The following SVOPL variants were observed in gnomAD, a reference collection of about 807,000 sequenced individuals.
SVOPL encodes SVOP like, also known as putative transporter SVOPL.
In SVOPL, 60 loss-of-function variants were observed where a neutral mutation model predicts 61.0. The observed-to-expected ratio is 0.98, with a 90% confidence interval of 0.80 to 1.22. The LOEUF (loss-of-function observed/expected upper bound fraction) is 1.22, where lower values mean the gene tolerates loss of function less well. Ranked by LOEUF, SVOPL falls within the 50% of genes most tolerant of loss-of-function variation. The pLI, the probability that SVOPL is intolerant of heterozygous loss-of-function variation, is 0.00. For missense variants in SVOPL, 662 were observed against 643.9 expected (o/e 1.03, Z -0.30); for synonymous variants, 279 against 250.0 (o/e 1.12, Z -1.09).
chr7:138,684,391 C>A (rs1038657036), intron 1 of SVOPL, among the ~76,000 whole-genome samples: 1 of 149,888 alleles, frequency 6.7e-6, no homozygotes, highest in Non-Finnish European at 1.5e-5. Context: ...GAAAAAGGAA[C>A]TCCTGCAACT....
chr7:138,611,392 C>CCAAAA lies in SVOPL; in HGVS notation c.1353+9649_1353+9653dup, dbSNP rs113839524. Among the ~76,000 whole-genome samples, 563 of 151,560 alleles carry CCAAAA rather than the reference C, an allele frequency of 3.7e-3. 1 individual carries two copies. Among genetic ancestry groups the CCAAAA allele is most frequent in the East Asian group, 0.018 (93 of 5,158 alleles). ...GACTCTGTCTCAAAAACCCCCAACC[C>CCAAAA]CAAAACAAAACAAAACAAAACAAAA... On this transcript the variant is annotated intron_variant, in intron 14 of 15. Coordinates refer to ENST00000674285, the MANE Select transcript of SVOPL (RefSeq NM_001139456.2).
At chr7:138,689,558 A>C in intron 1 of SVOPL, 1 of 494,574 alleles carries the variant, frequency 2.0e-6, no homozygotes, top group Admixed American at 3.4e-5. Context: ...ATTAAAAGTA[A>C]AAAAAGAAAA....
At chr7:138,654,297 G>A (rs1006481726) in intron 7 of SVOPL, among the ~76,000 whole-genome samples, 11 of 152,150 alleles carry the variant, frequency 7.2e-5, no homozygotes, top group Non-Finnish European at 1.5e-5. Flanking sequence ...CTAGTGTACA[G>A]AAGAGATAAG....
chr7:138,683,256 A>G (rs1453820680), intron 1 of SVOPL, among the ~76,000 whole-genome samples: 2 of 152,184 alleles, frequency 1.3e-5, no homozygotes, highest in African/African-American at 4.8e-5. Flanking sequence ...GGGTGTATAG[A>G]TGAAAAAAGA....
chr7:138,684,868 C>T lies in SVOPL; in HGVS notation c.-34-5789G>A, dbSNP rs116866942. ...CCAAAACATAAAACAACCCAAATGT[C>T]CATTAACGGATGTGTGGAAAAGGAA... On this transcript the variant is annotated intron_variant, in intron 1 of 15. Transcript: ENST00000674285. Among the ~76,000 whole-genome samples, 273 of 152,148 alleles carry T rather than the reference C, an allele frequency of 1.8e-3. 2 individuals are homozygous for T. The highest frequency in any genetic ancestry group is 3.4e-3 in the Middle Eastern group (1 of 290).
intron 9 of SVOPL, among the ~76,000 whole-genome samples, chr7:138,639,762 A>T (rs892678667): frequency 2.0e-5 from 3 of 152,196 alleles, no homozygotes; most frequent in Admixed American, 1.3e-4. Context: ...AGGGTCCAGT[A>T]CAGCAGTGCG....
chr7:138,632,394 A>C (rs551052491), intron 9 of SVOPL, among the ~76,000 whole-genome samples: 1 of 152,348 alleles, frequency 6.6e-6, no homozygotes, highest in South Asian at 2.1e-4. Context: ...CAATCATGCC[A>C]CTGCACTCCA....
chr7:138,644,798 C>T lies in SVOPL; in HGVS notation c.708G>A (p.Arg236=). 1 of 1,614,090 alleles carries T rather than the reference C, an allele frequency of 6.2e-7. No individual in the cohort carries two copies. Among genetic ancestry groups the T allele is most frequent in the Non-Finnish European group, 8.5e-7 (1 of 1,180,026 alleles). The change falls in exon 9 of 16, where the codon CGG becomes CGA. Residue 236 remains arginine (R), a synonymous_variant. Transcript: ENST00000674285. ...ARFNVSTGNT[R]AALATLERVA... is the part of the protein sequence containing the mutation. Reference sequence around the variant, plus strand: ...CGCGCTCCAGAGTGGCCAGGGCAGCCCGAGTGTTCCCAGTGGAGACATTGA... The same window carrying T: ...CGCGCTCCAGAGTGGCCAGGGCAGCTCGAGTGTTCCCAGTGGAGACATTGA...
chr7:138,602,765 G>C (rs1021169012), intron 14 of SVOPL, among the ~76,000 whole-genome samples: 3 of 151,896 alleles, frequency 2.0e-5, no homozygotes, highest in Admixed American at 1.3e-4. Context: ...TGCTCTCTCA[G>C]GCCATTTCTG....
intron 1 of SVOPL, among the ~76,000 whole-genome samples, chr7:138,695,493 A>G (rs1803045611): frequency 6.6e-6 from 1 of 152,194 alleles, no homozygotes; most frequent in African/African-American, 2.4e-5. Flanking sequence ...CATGGACAAC[A>G]CAGTGAGACT....
intron 3 of SVOPL, among the ~76,000 whole-genome samples, chr7:138,676,718 C>T (rs1019542898): frequency 1.4e-4 from 22 of 152,180 alleles, no homozygotes; most frequent in Admixed American, 2.6e-4. Flanking sequence ...GCCATGTGTT[C>T]GAATTTACAT....
At position 138,651,166 on chromosome 7, in the gene SVOPL, G is replaced by A. The variant is rs563835562; in HGVS notation, c.535-2029C>T. Among the ~76,000 whole-genome samples the A allele has an allele frequency of 1.6e-4, 24 of 152,248 alleles. 1 individual carries two copies. In the South Asian group the frequency reaches 5.0e-3, roughly 32 times the overall value. ...GGTAGGACAGCCTAAAGGGGTAGCA[G>A]CTGGGACCTACCACTGAAAGCTCGG... On this transcript the variant is annotated intron_variant, in intron 7 of 15. Coordinates refer to ENST00000674285, the MANE Select transcript of SVOPL (RefSeq NM_001139456.2).
intron 9 of SVOPL, among the ~76,000 whole-genome samples, chr7:138,636,869 C>T (rs932210394): frequency 7.2e-5 from 11 of 152,012 alleles, no homozygotes; most frequent in African/African-American, 2.4e-4. Context: ...GTAAAATAAG[C>T]CTGAAAATAT....
At chr7:138,650,576 GA>G (rs1169202542) in intron 7 of SVOPL, among the ~76,000 whole-genome samples, 2 of 149,754 alleles carry the variant, frequency 1.3e-5, no homozygotes, top group Non-Finnish European at 3.0e-5. Context: ...TCGGAAGGCT[GA>G]GGTAGGGGAA....
Position 138,649,189 on chromosome 7 carries a change from A to T in SVOPL, c.535-52T>A, listed in dbSNP as rs200407864. 4 of 53,002 alleles carry T rather than the reference A, an allele frequency of 7.5e-5. No homozygotes were observed. The South Asian group carries it at 9.0e-4, about 12-fold the overall frequency. The allele number at this position is 53,002 out of a possible 1,614,324, so 3.3% of individuals were successfully genotyped here. A position where few individuals can be genotyped will look rare whatever the true frequency, so the allele number is the denominator to read the frequency against. Reference sequence around the variant, plus strand: ...AGTTCTTTGGGGAATTATGACAATGAAAAAAAAAAAGGAAAAATATATATT... The same window carrying T: ...AGTTCTTTGGGGAATTATGACAATGTAAAAAAAAAAGGAAAAATATATATT... On this transcript the variant is annotated intron_variant, in intron 7 of 15. Coordinates refer to ENST00000674285, the MANE Select transcript of SVOPL (RefSeq NM_001139456.2).
Position 138,630,054 on chromosome 7 carries a change from G to A in SVOPL, c.858C>T (p.Val286=), listed in dbSNP as rs367646928. The change falls in exon 10 of 16, where the codon GTC becomes GTT. Residue 286 remains valine, a synonymous_variant. Transcript: ENST00000674285. ...KYLRTTLQIW[V]IWLGISFAYY... is the part of the protein sequence containing the mutation. ...TGAAATCATTACACTCTTACCATAT[G>A]ACCCAGATCTGTAATGTGGTCCGTA... The A allele has an allele frequency of 2.5e-6, 4 of 1,612,832 alleles. No homozygotes were observed. In the African/African-American group the frequency reaches 5.3e-5, roughly 22 times the overall value.
At position 138,628,370 on chromosome 7, in the gene SVOPL, G is replaced by A; in HGVS notation, c.864-7C>T. The A allele has an allele frequency of 6.2e-7, 1 of 1,613,584 alleles. No homozygotes were observed. The highest frequency in any genetic ancestry group is 8.5e-7 in the Non-Finnish European group (1 of 1,179,930). ...GGCAAAAGAGATTCCAAGCCTGGAA[G>A]AGAGAAAACAAAGTCACTAGCCAAC... On this transcript the variant is annotated splice_region_variant and splice_polypyrimidine_tract_variant and intron_variant, in intron 10 of 15. Coordinates refer to ENST00000674285, the MANE Select transcript of SVOPL (RefSeq NM_001139456.2).
chr7:138,694,133 T>C (rs998735730), intron 1 of SVOPL, among the ~76,000 whole-genome samples: 3 of 152,228 alleles, frequency 2.0e-5, no homozygotes, highest in Non-Finnish European at 4.4e-5. Flanking sequence ...CAATGAGGCA[T>C]TGGATGACAG....
intron 14 of SVOPL, among the ~76,000 whole-genome samples, chr7:138,600,799 CAT>C (rs1275884364): frequency 3.3e-5 from 5 of 152,252 alleles, no homozygotes; most frequent in African/African-American, 7.2e-5. Flanking sequence ...CATCACCTCA[CAT>C]GTCTATCACA....
Sources: allele counts gnomAD v4.1 joint callset (sites outside exome capture counted in the v4.1 genomes callset), GRCh38; gene constraint gnomAD v4.1.1; transcripts MANE v1.5; gene names NCBI Gene and HGNC (gene_info 2026-07-23, HGNC 2026-07-21).